Variants in PID1 observed in about 807,000 individuals in gnomAD.
PID1 encodes PTB-containing, cubilin and LRP1-interacting protein.
In PID1, 10 loss-of-function variants were observed where a neutral mutation model predicts 19.1. The ratio of observed to expected loss-of-function variants is 0.52; its 90% CI spans 0.32 to 0.89. The LOEUF (loss-of-function observed/expected upper bound fraction) is 0.89, where lower values mean the gene tolerates loss of function less well. PID1 is among the 40% of genes least tolerant of loss of function. The probability of loss-of-function intolerance (pLI) is 0.03; values close to 1 mark genes in which losing one functional copy is unlikely to be tolerated. For synonymous variants in PID1, 130 were observed against 116.0 expected, an observed-to-expected ratio of 1.12 and a Z score of -0.78; for missense variants, 248 against 285.3, an observed-to-expected ratio of 0.87 and a Z score of 0.94.
intron 2 of PID1, among the ~76,000 whole-genome samples, chr2:229,116,697 A>T (rs1176642170): frequency 6.6e-6 from 1 of 152,120 alleles, no homozygotes; most frequent in Non-Finnish European, 1.5e-5. Context: ...GGCCTCCCCA[A>T]CCATGCAGAA....
intron 1 of PID1, among the ~76,000 whole-genome samples, chr2:229,266,128 T>C (rs1371059775): frequency 6.6e-6 from 1 of 152,204 alleles, no homozygotes; most frequent in Non-Finnish European, 1.5e-5. Context: ...CGATGTTTTG[T>C]GCTTACTCAA....
At chr2:229,217,402 G>A (rs1280551300) in intron 1 of PID1, among the ~76,000 whole-genome samples, 3 of 152,184 alleles carry the variant, frequency 2.0e-5, no homozygotes, top group African/African-American at 7.2e-5. Context: ...AATTCAGTCA[G>A]AAATTATTCA....
chr2:229,079,990 G>C (rs1237935766), intron 2 of PID1, among the ~76,000 whole-genome samples: 1 of 152,090 alleles, frequency 6.6e-6, no homozygotes, highest in Non-Finnish European at 1.5e-5. Context: ...GACTCTGCCG[G>C]TCAGAGGCAG....
intron 1 of PID1, among the ~76,000 whole-genome samples, chr2:229,265,258 T>A (rs1446576554): frequency 6.6e-6 from 1 of 152,202 alleles, no homozygotes. Flanking sequence ...GGCAGAGGAA[T>A]CCTGGGCCAT....
At chr2:229,258,820 C>T (rs900160898) in intron 1 of PID1, among the ~76,000 whole-genome samples, 1 of 148,716 alleles carries the variant, frequency 6.7e-6, no homozygotes, top group African/African-American at 2.5e-5. Context: ...TGAGATGGCG[C>T]CACTGCACTC....
chr2:229,244,917 G>A (rs922908859), intron 1 of PID1: 11 of 152,064 alleles, frequency 7.2e-5, no homozygotes, highest in Admixed American at 7.2e-4. Context: ...TCAGTGCTCA[G>A]AGAAATAGAA....
At chr2:229,255,423 G>A (rs1690267732) in intron 1 of PID1, among the ~76,000 whole-genome samples, 1 of 152,168 alleles carries the variant, frequency 6.6e-6, no homozygotes, top group Non-Finnish European at 1.5e-5. Context: ...GCTTTTGAGT[G>A]TTTTTTGGTG....
At chr2:229,246,837 C>T (rs573017151) in intron 1 of PID1, among the ~76,000 whole-genome samples, 3 of 152,188 alleles carry the variant, frequency 2.0e-5, no homozygotes, top group Non-Finnish European at 2.9e-5. Flanking sequence ...CACAAGAAGT[C>T]GCCTAAGAAA....
At chr2:229,111,396 T>A (rs1415846766) in intron 2 of PID1, among the ~76,000 whole-genome samples, 1 of 152,142 alleles carries the variant, frequency 6.6e-6, no homozygotes, top group East Asian at 1.9e-4. Context: ...AACTATTACA[T>A]CGATTAGACT....
At chr2:229,181,306 T>C (rs1690941397) in intron 1 of PID1, among the ~76,000 whole-genome samples, 2 of 151,994 alleles carry the variant, frequency 1.3e-5, no homozygotes, top group Non-Finnish European at 1.5e-5. Context: ...AAGCAGACGT[T>C]GTATTTGAGA....
chr2:229,026,822 T>C (rs908365941), intron 2 of PID1, among the ~76,000 whole-genome samples: 3 of 152,216 alleles, frequency 2.0e-5, no homozygotes, highest in African/African-American at 4.8e-5. Flanking sequence ...CCTAGCTAGG[T>C]AGGCAGTATG....
chr2:229,214,848 A>G (rs1402273425), intron 1 of PID1, among the ~76,000 whole-genome samples: 1 of 151,956 alleles, frequency 6.6e-6, no homozygotes, highest in Non-Finnish European at 1.5e-5. Context: ...TCATTTTTAT[A>G]TAGATACACA....
chr2:229,187,804 C>T (rs1467767004), intron 1 of PID1, among the ~76,000 whole-genome samples: 2 of 152,168 alleles, frequency 1.3e-5, no homozygotes, highest in East Asian at 1.9e-4. Flanking sequence ...CAGCTATTTT[C>T]CCATTTCTCC....
intron 2 of PID1, among the ~76,000 whole-genome samples, chr2:229,043,876 C>T (rs1475660366): frequency 6.6e-6 from 1 of 152,150 alleles, no homozygotes; most frequent in Non-Finnish European, 1.5e-5. Context: ...CTGTGAACCA[C>T]ATTAGAAGAA....
chr2:229,136,493 T>C (rs1224415782), intron 2 of PID1, among the ~76,000 whole-genome samples: 4 of 152,246 alleles, frequency 2.6e-5, no homozygotes, highest in Non-Finnish European at 5.9e-5. Context: ...GGTATTTCAC[T>C]GGTTACCAGA....
At chr2:229,269,899 G>A (rs1313461860) in intron 1 of PID1, among the ~76,000 whole-genome samples, 2 of 152,166 alleles carry the variant, frequency 1.3e-5, no homozygotes, top group East Asian at 3.9e-4. Flanking sequence ...CTTTGGAAAG[G>A]AGCTGTGGGG....
chr2:229,080,447 C>A (rs964877121), intron 2 of PID1, among the ~76,000 whole-genome samples: 1 of 152,188 alleles, frequency 6.6e-6, no homozygotes, highest in Non-Finnish European at 1.5e-5. Context: ...TCCTGACTTA[C>A]TTTGTGAATG....
intron 2 of PID1, among the ~76,000 whole-genome samples, chr2:229,081,770 A>G (rs1205120617): frequency 1.3e-5 from 2 of 152,244 alleles, no homozygotes; most frequent in Non-Finnish European, 2.9e-5. Flanking sequence ...ATGCTGGACA[A>G]ACAAAAGTTA....
At chr2:229,227,511 T>C (rs550707732) in intron 1 of PID1, among the ~76,000 whole-genome samples, 2 of 152,300 alleles carry the variant, frequency 1.3e-5, no homozygotes, top group South Asian at 2.1e-4. Flanking sequence ...CAATTATCCA[T>C]TCCCTTAACC....
Sources: allele counts gnomAD v4.1 joint callset (sites outside exome capture counted in the v4.1 genomes callset), GRCh38; gene constraint gnomAD v4.1.1; transcripts MANE v1.5; gene names NCBI Gene and HGNC (gene_info 2026-07-23, HGNC 2026-07-21).